The following MATN2 variants were observed in gnomAD, a reference collection of about 807,000 sequenced individuals.
The protein encoded by MATN2 is matrilin-2.
Under a neutral mutation model 103.2 loss-of-function variants are expected in MATN2, and 69 were observed. That is an observed-to-expected ratio of 0.67 (90% CI 0.55 to 0.82). The LOEUF is 0.82. Ranked by LOEUF, MATN2 falls within the 40% of genes least tolerant of loss-of-function variation. The pLI is 0.00. For synonymous variants in MATN2, 429 were observed against 450.2 expected, an observed-to-expected ratio of 0.95 and a Z score of 0.60; for missense variants, 1,023 against 1,211.5, an observed-to-expected ratio of 0.84 and a Z score of 2.31.
intron 10 of MATN2, among the ~76,000 whole-genome samples, chr8:98,014,303 A>G (rs946295097): frequency 1.3e-5 from 2 of 152,158 alleles, no homozygotes; most frequent in African/African-American, 4.8e-5. Flanking sequence ...GGGGGAAAAA[A>G]AAACACCTCA....
At chr8:98,009,563 G>A (rs944827904) in intron 10 of MATN2, among the ~76,000 whole-genome samples, 15 of 152,204 alleles carry the variant, frequency 9.9e-5, no homozygotes, top group African/African-American at 3.4e-4. Flanking sequence ...GGGGCCCTGG[G>A]ATGAGATGGG....
At chr8:97,948,465 A>C (rs1351571530) in intron 4 of MATN2, among the ~76,000 whole-genome samples, 1 of 152,266 alleles carries the variant, frequency 6.6e-6, no homozygotes, top group Non-Finnish European at 1.5e-5. Flanking sequence ...AAACAACAGT[A>C]ATCAAGACAG....
At position 97,905,115 on chromosome 8, in the gene MATN2, T is replaced by C. The variant is rs548537690; in HGVS notation, c.142+16873T>C. Among the ~76,000 whole-genome samples, 6 of 152,338 alleles carry C rather than the reference T, an allele frequency of 3.9e-5. No individual in the cohort carries two copies. In the East Asian group the frequency reaches 1.2e-3, roughly 29 times the overall value. Reference sequence around the variant, plus strand: ...CGCCTCTTGATCTTGACATGTTGTTTTTAAAAGTACATGTTACTCTATACC... The same window carrying C: ...CGCCTCTTGATCTTGACATGTTGTTCTTAAAAGTACATGTTACTCTATACC... On this transcript the variant is annotated intron_variant, in intron 2 of 18. Coordinates refer to ENST00000254898, the MANE Select transcript of MATN2 (RefSeq NM_002380.5).
chr8:97,985,367 C>G (rs1812158243), intron 6 of MATN2, among the ~76,000 whole-genome samples: 1 of 152,178 alleles, frequency 6.6e-6, no homozygotes, highest in African/African-American at 2.4e-5. Context: ...TCCCATTAAG[C>G]CCCGCCTCCA....
At chr8:97,948,589 T>C (rs1218400560) in intron 4 of MATN2, among the ~76,000 whole-genome samples, 1 of 152,180 alleles carries the variant, frequency 6.6e-6, no homozygotes, top group Non-Finnish European at 1.5e-5. Flanking sequence ...GGCAATCCAA[T>C]GAGGAAACAA....
chr8:97,959,927 T>A (rs1234805037), intron 4 of MATN2, among the ~76,000 whole-genome samples: 1 of 152,200 alleles, frequency 6.6e-6, no homozygotes, highest in East Asian at 1.9e-4. Flanking sequence ...GTAATTAAGT[T>A]TTTTTAAATC....
At chr8:97,992,612 G>A (rs2130350294) in intron 6 of MATN2, among the ~76,000 whole-genome samples, 1 of 151,970 alleles carries the variant, frequency 6.6e-6, no homozygotes, top group South Asian at 2.1e-4. Flanking sequence ...TGGGCACAGT[G>A]GCAGGCGCCT....
chr8:97,904,761 T>C (rs920809306), intron 2 of MATN2, among the ~76,000 whole-genome samples: 6 of 152,160 alleles, frequency 3.9e-5, no homozygotes, highest in Admixed American at 3.9e-4. Flanking sequence ...CACTCCTAGA[T>C]CACACCATTT....
intron 4 of MATN2, among the ~76,000 whole-genome samples, chr8:97,943,031 A>G (rs761972511): frequency 7.9e-5 from 12 of 152,136 alleles, no homozygotes; most frequent in East Asian, 3.9e-4. Context: ...CTAAGACCCC[A>G]GGATCCCAAG....
rs780408664 is a variant in MATN2, at chr8:98,030,470, A to G, written c.2365A>G (p.Met789Val). The change falls in exon 15 of 19, where the codon ATG (methionine) becomes GTG (valine). Residue 789 changes from methionine to valine, a missense_variant. Transcript: ENST00000254898. ...TTTTTCCTGCACCCTAGGTATCACT[A>G]TGTATGCTGTTGGGGTAGGAAAAGC... ...ASKAKANGIT[M>V]YAVGVGKAIE... is the part of the protein sequence containing the mutation. 3.7e-6 allele frequency: 6 copies of G among 1,613,142 alleles called. No individual in the cohort carries two copies. The East Asian group carries it at 6.7e-5, about 18-fold the overall frequency.
chr8:97,954,434 T>G (rs1811076449), intron 4 of MATN2, among the ~76,000 whole-genome samples: 1 of 152,230 alleles, frequency 6.6e-6, no homozygotes, highest in Admixed American at 6.5e-5. Flanking sequence ...CTGCTAAATG[T>G]TTAACAATCA....
At chr8:97,879,165 A>G (rs573809594) in intron 1 of MATN2, among the ~76,000 whole-genome samples, 2 of 152,342 alleles carry the variant, frequency 1.3e-5, no homozygotes, top group East Asian at 3.9e-4. Flanking sequence ...GTCAGTTCTC[A>G]TTAGAAAACC....
intron 5 of MATN2, among the ~76,000 whole-genome samples, chr8:97,962,243 C>A (rs1811339960): frequency 6.6e-6 from 1 of 152,156 alleles, no homozygotes; most frequent in South Asian, 2.1e-4. Context: ...GGCAGAAAAT[C>A]TAGAAGGAAA....
At chr8:97,938,012 C>T (rs1810434002) in intron 3 of MATN2, among the ~76,000 whole-genome samples, 1 of 152,182 alleles carries the variant, frequency 6.6e-6, no homozygotes, top group Non-Finnish European at 1.5e-5. Context: ...CACGATGCTG[C>T]CTGCTGCCCG....
At position 98,033,833 on chromosome 8, in the gene MATN2, A is replaced by C. The variant is rs558848060; in HGVS notation, c.2815+174A>C. 643 of 565,664 alleles carry C rather than the reference A, an allele frequency of 1.1e-3. 16 individuals carry two copies. In the South Asian group the frequency reaches 0.014, roughly 12 times the overall value. The allele number at this position is 565,664 out of a possible 1,614,324, so 35.0% of individuals were successfully genotyped here. ...GCAGCCTCACAGGTGTTTGAGAGGC[A>C]AGGGCAAGCCAAGCTTATTAGCAGC... On this transcript the variant is annotated intron_variant, in intron 18 of 18. Transcript: ENST00000254898.
rs933805433 is a variant in MATN2, at chr8:97,993,076, T to C, written c.1082-1404T>C. ...TTGATTCTCCTGAAGCTGGGTGATA[T>C]GTACATGGATTTATTATACTACTCA... On this transcript the variant is annotated intron_variant, in intron 6 of 18. Coordinates refer to ENST00000254898, the MANE Select transcript of MATN2 (RefSeq NM_002380.5). 2.0e-5 allele frequency among the ~76,000 whole-genome samples: 3 copies of C among 152,160 alleles called. No homozygotes were observed. The East Asian group carries it at 5.8e-4, about 29-fold the overall frequency.
chr8:97,900,934 C>G (rs1185001616), intron 2 of MATN2, among the ~76,000 whole-genome samples: 3 of 152,002 alleles, frequency 2.0e-5, no homozygotes, highest in Non-Finnish European at 4.4e-5. Flanking sequence ...GACTCTGTCC[C>G]CGCCCCCCCA....
At chr8:97,876,741 T>C (rs1439867953) in intron 1 of MATN2, among the ~76,000 whole-genome samples, 1 of 152,098 alleles carries the variant, frequency 6.6e-6, no homozygotes, top group Admixed American at 6.6e-5. Context: ...AAATAGAACA[T>C]TGCCAGCACC....
chr8:97,969,262 AC>A (rs1811581827), intron 5 of MATN2, among the ~76,000 whole-genome samples: 1 of 152,206 alleles, frequency 6.6e-6, no homozygotes, highest in Non-Finnish European at 1.5e-5. Context: ...CACCTGTAAC[AC>A]GGGGGATCAC....
Sources: allele counts gnomAD v4.1 joint callset (sites outside exome capture counted in the v4.1 genomes callset), GRCh38; gene constraint gnomAD v4.1.1; transcripts MANE v1.5; gene names NCBI Gene and HGNC (gene_info 2026-07-23, HGNC 2026-07-21).